The following ADGRL2 variants were observed in gnomAD, a reference collection of about 807,000 sequenced individuals.
ADGRL2 encodes adhesion G protein-coupled receptor L2.
In ADGRL2, 44 loss-of-function variants were observed where a neutral mutation model predicts 157.4. The observed-to-expected ratio is 0.28, with a 90% CI of 0.22 to 0.36. The LOEUF (loss-of-function observed/expected upper bound fraction) is 0.36. Ranked by LOEUF, ADGRL2 falls within the 10% of genes least tolerant of loss-of-function variation. The pLI is 1.00. For synonymous variants in ADGRL2, 585 were observed against 624.7 expected, an observed-to-expected ratio of 0.94 and a Z score of 0.95; for missense variants, 1,510 against 1,768.9, an observed-to-expected ratio of 0.85 and a Z score of 2.63.
chr1:81,448,212 T>A (rs1157076711), intron 2 of ADGRL2, among the ~76,000 whole-genome samples: 1 of 138,380 alleles, frequency 7.2e-6, no homozygotes, highest in Non-Finnish European at 1.5e-5. Context: ...TGGCTTAATC[T>A]CGGCACACTG....
At chr1:81,678,304 G>T (rs2083037914) in intron 3 of ADGRL2, among the ~76,000 whole-genome samples, 1 of 152,148 alleles carries the variant, frequency 6.6e-6, no homozygotes. Flanking sequence ...GTTATAATGG[G>T]TTAGCTCATG....
At chr1:81,650,450 C>T (rs372261661) in intron 3 of ADGRL2, among the ~76,000 whole-genome samples, 1 of 151,818 alleles carries the variant, frequency 6.6e-6, no homozygotes, top group East Asian at 1.9e-4. Flanking sequence ...GTGGCACACG[C>T]CCATAATTCC....
At chr1:81,352,089 A>C (rs1324244298) in intron 1 of ADGRL2, among the ~76,000 whole-genome samples, 1 of 152,236 alleles carries the variant, frequency 6.6e-6, no homozygotes, top group Non-Finnish European at 1.5e-5. Context: ...GAGTCACCGC[A>C]AAGATCTGCA....
chr1:81,518,561 A>G (rs1490130224), intron 2 of ADGRL2, among the ~76,000 whole-genome samples: 1 of 152,188 alleles, frequency 6.6e-6, no homozygotes, highest in African/African-American at 2.4e-5. Context: ...CATCCTCAAC[A>G]TTTGATAAGA....
intron 1 of ADGRL2, among the ~76,000 whole-genome samples, chr1:81,833,800 G>A (rs965831227): frequency 1.3e-5 from 2 of 152,164 alleles, no homozygotes; most frequent in African/African-American, 4.8e-5. Flanking sequence ...GGGCTGTTGG[G>A]ATATACACAG....
At chr1:81,332,724 C>A (rs572760381) in intron 1 of ADGRL2, among the ~76,000 whole-genome samples, 1 of 152,272 alleles carries the variant, frequency 6.6e-6, no homozygotes, top group Non-Finnish European at 1.5e-5. Context: ...CCAAATACCC[C>A]TAACATATGT....
At position 81,877,016 on chromosome 1, in the gene ADGRL2, A is replaced by G. The variant is rs549967970; in HGVS notation, c.74-30001A>G. ...GTGCTCTTCTTAACCACTCCTGCCC[A>G]ACCGCTCATTCTACAATATTGAGCC... is the stretch of plus-strand genomic sequence containing the variant. On this transcript the variant is annotated intron_variant, in intron 2 of 23. Coordinates refer to ENST00000686636, the MANE Select transcript of ADGRL2 (RefSeq NM_001366006.2). Among the ~76,000 whole-genome samples, 9 of 152,230 alleles carry G rather than the reference A, an allele frequency of 5.9e-5. No homozygotes were observed. In the South Asian group the frequency reaches 1.9e-3, roughly 32 times the overall value.
At chr1:81,986,821 G>A (rs1663277126) in intron 21 of ADGRL2, 80 bp from the exon 22 acceptor site, 3 of 1,438,610 alleles carry the variant, frequency 2.1e-6, no homozygotes, top group Non-Finnish European at 2.9e-6. Flanking sequence ...AAAAAAAATA[G>A]TTGACTACAA....
intron 1 of ADGRL2, among the ~76,000 whole-genome samples, chr1:81,710,938 A>T (rs144565501): frequency 1.3e-5 from 2 of 152,114 alleles, no homozygotes; most frequent in African/African-American, 2.4e-5. Context: ...ACATTGGTTA[A>T]TCTTACATTT....
chr1:81,593,880 T>C (rs1174179962), intron 3 of ADGRL2, among the ~76,000 whole-genome samples: 1 of 152,130 alleles, frequency 6.6e-6, no homozygotes, highest in African/African-American at 2.4e-5. Context: ...TTTTGTAAGG[T>C]AAAATGATGC....
rs144757838 is a variant in ADGRL2, at chr1:81,398,824, T to A, written c.-301-46212T>A. ...CTTGACACTTTTTTCTTACTGTTTT[T>A]AAAAATTCTCTCCTTGTCTTTTACT... On this transcript the variant is annotated intron_variant, in intron 1 of 24. Transcript: ENST00000370721. 2.2e-3 allele frequency among the ~76,000 whole-genome samples: 337 copies of A among 152,318 alleles called. 4 individuals are homozygous for A. In the East Asian group the frequency reaches 0.026, roughly 12 times the overall value.
chr1:81,408,974 C>T (rs541625663), intron 1 of ADGRL2, among the ~76,000 whole-genome samples: 1 of 152,310 alleles, frequency 6.6e-6, no homozygotes, highest in African/African-American at 2.4e-5. Context: ...ATGTTCTCTC[C>T]AGTTCTGTTA....
intron 1 of ADGRL2, among the ~76,000 whole-genome samples, chr1:81,331,072 T>A (rs1036988648): frequency 2.2e-4 from 33 of 152,156 alleles, no homozygotes; most frequent in African/African-American, 8.0e-4. Context: ...ATGCTCTCAA[T>A]AAATATTTGA....
intron 2 of ADGRL2, among the ~76,000 whole-genome samples, chr1:81,465,003 C>T (rs937510080): frequency 2.6e-5 from 4 of 151,076 alleles, no homozygotes; most frequent in Non-Finnish European, 4.4e-5. Flanking sequence ...AAGAACCAGT[C>T]GCCCACTGTT....
At chr1:81,819,620 C>T (rs12125085) in intron 1 of ADGRL2, among the ~76,000 whole-genome samples, 11,626 of 151,802 alleles carry the variant, frequency 0.077, 527 homozygotes, top group South Asian at 0.16. Context: ...TTTTATTATG[C>T]GATATTCAGG....
At chr1:81,864,992 A>G (rs530206472) in intron 2 of ADGRL2, among the ~76,000 whole-genome samples, 1 of 152,080 alleles carries the variant, frequency 6.6e-6, no homozygotes, top group Non-Finnish European at 1.5e-5. Context: ...TCTCAAAAGA[A>G]AAACCACCCC....
intron 1 of ADGRL2, among the ~76,000 whole-genome samples, chr1:81,325,261 G>A (rs1333237364): frequency 6.6e-6 from 1 of 152,124 alleles, no homozygotes; most frequent in Non-Finnish European, 1.5e-5. Context: ...CCAGAAACCT[G>A]CCTTAGAAGA....
At chr1:81,366,091 C>T (rs921615046) in intron 1 of ADGRL2, among the ~76,000 whole-genome samples, 1 of 152,056 alleles carries the variant, frequency 6.6e-6, no homozygotes, top group Non-Finnish European at 1.5e-5. Context: ...GACTGTCATT[C>T]TTTTTATACC....
intron 1 of ADGRL2, among the ~76,000 whole-genome samples, chr1:81,424,015 A>G (rs1165924478): frequency 6.6e-6 from 1 of 152,224 alleles, no homozygotes; most frequent in African/African-American, 2.4e-5. Context: ...GCTACAAATG[A>G]CAATATATTT....
Sources: gnomAD v4.1 joint callset for allele counts (sites outside exome capture counted in the v4.1 genomes callset) on GRCh38, gnomAD v4.1.1 for gene constraint, MANE v1.5 for transcripts, NCBI Gene and HGNC (gene_info 2026-07-23, HGNC 2026-07-21) for gene names.